The following SORCS1 variants were observed in gnomAD, a reference collection of about 807,000 sequenced individuals.
SORCS1 encodes the protein VPS10 domain-containing receptor SorCS1.
Under a neutral mutation model 146.1 loss-of-function variants are expected in SORCS1, and 60 were observed. The observed-to-expected ratio is 0.41, with a 90% CI of 0.33 to 0.51. The LOEUF (loss-of-function observed/expected upper bound fraction) is 0.51. Ranked by LOEUF, SORCS1 falls within the 20% of genes least tolerant of loss-of-function variation. The pLI is 0.21. For missense variants in SORCS1, 1,352 were observed against 1,487.6 expected (o/e 0.91, Z 1.50); for synonymous variants, 637 against 584.0 (o/e 1.09, Z -1.31).
Position 106,583,157 on chromosome 10 carries a change from A to G in SORCS1, c.3266-3683T>C, listed in dbSNP as rs529308276. Among the ~76,000 whole-genome samples, 12 of 152,334 alleles carry G rather than the reference A, an allele frequency of 7.9e-5. No individual in the cohort carries two copies. In the South Asian group the frequency reaches 2.3e-3, roughly 29 times the overall value. ...GGAATTTATAAAGTACTGTCATAGT[A>G]TTTGGGACAGACTACATGCCCAATA... On this transcript the variant is annotated intron_variant, in intron 24 of 25. Transcript: ENST00000263054.
chr10:107,006,812 G>C (rs559551904), intron 1 of SORCS1, among the ~76,000 whole-genome samples: 1 of 152,154 alleles, frequency 6.6e-6, no homozygotes, highest in African/African-American at 2.4e-5. Context: ...GCGAGACTCC[G>C]TCTCAAAAAA....
In SORCS1 at chr10:106,633,722, T is replaced by G. The variant is rs76704289; in HGVS notation, c.2476-4334A>C. On this transcript the variant is annotated intron_variant, in intron 18 of 25. Transcript: ENST00000263054. The stretch of plus-strand genomic sequence containing the variant: ...CAGCAGAAAATTATATGCACCTTTC[T>G]GTCAAAATTAACTCTCATAGTTTAT... 5.6e-3 allele frequency among the ~76,000 whole-genome samples: 850 copies of G among 152,346 alleles called. 9 individuals are homozygous for G. The highest frequency in any genetic ancestry group is 0.019 in the African/African-American group (773 of 41,576).
chr10:106,650,327 A>G (rs1849765860), intron 18 of SORCS1, among the ~76,000 whole-genome samples: 1 of 152,312 alleles, frequency 6.6e-6, no homozygotes. Flanking sequence ...CACTCCTAGG[A>G]TAGAGATTTC....
intron 1 of SORCS1, among the ~76,000 whole-genome samples, chr10:107,001,406 T>G (rs1957214726): frequency 6.6e-6 from 1 of 152,032 alleles, no homozygotes; most frequent in Non-Finnish European, 1.5e-5. Context: ...GGGGGTCAAG[T>G]TTGCTGGTGA....
chr10:106,811,671 C>T (rs750143393), intron 3 of SORCS1, among the ~76,000 whole-genome samples: 3 of 152,056 alleles, frequency 2.0e-5, no homozygotes, highest in Non-Finnish European at 4.4e-5. Context: ...TTGGGAAAAG[C>T]AAAGATATCA....
intron 17 of SORCS1, among the ~76,000 whole-genome samples, chr10:106,653,480 T>C (rs1322169808): frequency 1.3e-5 from 2 of 152,212 alleles, no homozygotes; most frequent in African/African-American, 4.8e-5. Flanking sequence ...AACAGCCAGA[T>C]AGTGAATGTT....
At chr10:107,021,274 A>C (rs1178471121) in intron 1 of SORCS1, among the ~76,000 whole-genome samples, 1 of 152,026 alleles carries the variant, frequency 6.6e-6, no homozygotes, top group Admixed American at 6.6e-5. Flanking sequence ...GCATTTTGGG[A>C]GGCCGAGGCA....
chr10:106,813,739 A>C (rs1026333260), intron 3 of SORCS1, among the ~76,000 whole-genome samples: 6 of 152,142 alleles, frequency 3.9e-5, no homozygotes, highest in African/African-American at 7.2e-5. Context: ...GTTTGAGACT[A>C]GCCTGGGCAA....
rs537228599 is a variant in SORCS1 at position 106,894,516 on chromosome 10, C to T, written c.626+61997G>A. On this transcript the variant is annotated intron_variant, in intron 2 of 25. Coordinates refer to ENST00000263054, the MANE Select transcript of SORCS1 (RefSeq NM_052918.5). ...GCAGGTCCTAAAAGAAGTAGATATA[C>T]AAAAATAAACCCCAAGGCTGACAGC... Among the ~76,000 whole-genome samples the T allele has an allele frequency of 2.4e-3, 363 of 151,990 alleles. 6 individuals carry two copies. In the South Asian group the frequency reaches 0.066, roughly 28 times the overall value.
At chr10:106,639,587 C>G (rs939427196) in intron 18 of SORCS1, among the ~76,000 whole-genome samples, 7 of 152,086 alleles carry the variant, frequency 4.6e-5, no homozygotes, top group Non-Finnish European at 1.0e-4. Flanking sequence ...GCCTCATTTC[C>G]TTCAACAACA....
chr10:107,124,691 A>G (rs1012761643), intron 1 of SORCS1, among the ~76,000 whole-genome samples: 8 of 152,190 alleles, frequency 5.3e-5, no homozygotes, highest in African/African-American at 1.9e-4. Flanking sequence ...TGATCCATCA[A>G]CTTGAGGACT....
intron 1 of SORCS1, among the ~76,000 whole-genome samples, chr10:106,977,908 C>A (rs185842391): frequency 2.6e-5 from 4 of 152,250 alleles, no homozygotes; most frequent in Non-Finnish European, 5.9e-5. Context: ...AGCACATTCC[C>A]AAAATGTCAG....
intron 4 of SORCS1, among the ~76,000 whole-genome samples, chr10:106,765,498 A>T (rs1859498687): frequency 6.6e-6 from 1 of 152,070 alleles, no homozygotes; most frequent in African/African-American, 2.4e-5. Context: ...GGTTAGTTTC[A>T]TTGAGAGCTT....
intron 6 of SORCS1, 21 bp downstream of exon 6, chr10:106,730,029 C>T (rs41291868): frequency 7.4e-6 from 12 of 1,613,186 alleles, no homozygotes; most frequent in Middle Eastern, 1.7e-4. Flanking sequence ...ATGAGTATTG[C>T]GGCAAAGTTG....
chr10:106,948,371 A>G (rs1485933731), intron 2 of SORCS1, among the ~76,000 whole-genome samples: 5 of 152,024 alleles, frequency 3.3e-5, no homozygotes, highest in Non-Finnish European at 7.4e-5. Flanking sequence ...AAAAAAACAT[A>G]GTTTAGTAAA....
intron 2 of SORCS1, among the ~76,000 whole-genome samples, chr10:106,945,341 C>T (rs548824257): frequency 3.9e-5 from 6 of 152,186 alleles, no homozygotes; most frequent in African/African-American, 1.4e-4. Flanking sequence ...TGAGGATCTT[C>T]TGACTTTCTT....
At chr10:107,093,842 T>A (rs1224702897) in intron 1 of SORCS1, among the ~76,000 whole-genome samples, 1 of 152,060 alleles carries the variant, frequency 6.6e-6, no homozygotes, top group Non-Finnish European at 1.5e-5. Context: ...GTTCTCTACC[T>A]CCTTCACTCT....
At chr10:106,725,272 G>T (rs570823890) in intron 6 of SORCS1, among the ~76,000 whole-genome samples, 7 of 152,022 alleles carry the variant, frequency 4.6e-5, no homozygotes, top group Admixed American at 1.3e-4. Context: ...GAATGGGGTC[G>T]GGCGCAGTGG....
chr10:107,134,471 T>C (rs1281235127), intron 1 of SORCS1, among the ~76,000 whole-genome samples: 1 of 152,074 alleles, frequency 6.6e-6, no homozygotes, highest in Non-Finnish European at 1.5e-5. Context: ...ACCCTGTCTC[T>C]ACTAAAAATA....
Sources: allele counts gnomAD v4.1 joint callset (sites outside exome capture counted in the v4.1 genomes callset), GRCh38; gene constraint gnomAD v4.1.1; transcripts MANE v1.5; gene names NCBI Gene and HGNC (gene_info 2026-07-23, HGNC 2026-07-21).